Variants in HDAC9 observed in about 807,000 individuals in gnomAD.
HDAC9 encodes histone deacetylase 9, also known as MEF-2 interacting transcription repressor (MITR) protein.
Under a neutral mutation model 139.4 loss-of-function variants are expected in HDAC9, and 41 were observed. The ratio of observed to expected loss-of-function variants is 0.29; its 90% CI spans 0.23 to 0.38. HDAC9 has a LOEUF of 0.38. Among genes scored for constraint, HDAC9 ranks in the 10% least tolerant of loss-of-function variants. The probability of loss-of-function intolerance (pLI) is 1.00; values close to 1 mark genes in which losing one functional copy is unlikely to be tolerated. For synonymous variants in HDAC9, 517 were observed against 476.2 expected (o/e 1.09, Z -1.12); for missense variants, 1,147 against 1,297.0 (o/e 0.88, Z 1.78).
intron 11 of HDAC9, among the ~76,000 whole-genome samples, chr7:18,649,134 G>A (rs1484952965): frequency 6.6e-6 from 1 of 152,134 alleles, no homozygotes; most frequent in African/African-American, 2.4e-5. Context: ...TTTTGCGAAT[G>A]CCCCACTTCA....
chr7:18,609,227 G>C (rs956692670), intron 6 of HDAC9, among the ~76,000 whole-genome samples: 9 of 152,138 alleles, frequency 5.9e-5, no homozygotes, highest in African/African-American at 2.2e-4. Flanking sequence ...TATTGGCATG[G>C]TTCAATTCAG....
At chr7:18,158,487 T>C (rs756112907) in intron 1 of HDAC9, among the ~76,000 whole-genome samples, 25 of 152,220 alleles carry the variant, frequency 1.6e-4, no homozygotes, top group Non-Finnish European at 3.4e-4. Context: ...TGGTCTGTAA[T>C]TCCTTGCAAT....
chr7:18,764,911 T>G, intron 15 of HDAC9, among the ~76,000 whole-genome samples: 1 of 152,168 alleles, frequency 6.6e-6, no homozygotes, highest in Non-Finnish European at 1.5e-5. Context: ...TTGAAAGACA[T>G]CTATAGATGA....
At chr7:18,144,507 C>A (rs1786151175) in intron 1 of HDAC9, among the ~76,000 whole-genome samples, 2 of 152,210 alleles carry the variant, frequency 1.3e-5, no homozygotes, top group Non-Finnish European at 2.9e-5. Flanking sequence ...GTCTCCCTTT[C>A]TCTCTTATTT....
intron 16 of HDAC9, among the ~76,000 whole-genome samples, chr7:18,787,800 G>A (rs1791947124): frequency 6.6e-6 from 1 of 152,188 alleles, no homozygotes; most frequent in African/African-American, 2.4e-5. Flanking sequence ...TCCCTCAGAT[G>A]TGTGATGAAT....
chr7:18,938,936 A>G (rs1332140914), intron 23 of HDAC9, among the ~76,000 whole-genome samples: 3 of 152,376 alleles, frequency 2.0e-5, no homozygotes, highest in East Asian at 3.9e-4. Context: ...GGCTTGAGAA[A>G]GAGAAAGGAA....
At chr7:18,174,594 A>G (rs1357201785) in intron 2 of HDAC9, among the ~76,000 whole-genome samples, 4 of 152,254 alleles carry the variant, frequency 2.6e-5, no homozygotes, top group Non-Finnish European at 4.4e-5. Flanking sequence ...GGTTTTATCT[A>G]CCTTTGGTCT....
intron 1 of HDAC9, among the ~76,000 whole-genome samples, chr7:18,358,453 T>G (rs1300700242): frequency 6.6e-6 from 1 of 152,232 alleles, no homozygotes; most frequent in Non-Finnish European, 1.5e-5. Context: ...AAAAGTGATT[T>G]TGGAAACATG....
chr7:18,655,011 A>G lies in HDAC9; in HGVS notation c.1467+6328A>G, dbSNP rs535708466. On this transcript the variant is annotated intron_variant, in intron 11 of 25. Transcript: ENST00000686413. ...ATTGCCGTTGTTTTAGATTGGACAA[A>G]CATCTTCTCACGGAAGTTCTGGGCA... Among the ~76,000 whole-genome samples the G allele has an allele frequency of 1.1e-4, 17 of 152,276 alleles. No homozygotes were observed. In the South Asian group the frequency reaches 3.5e-3, roughly 32 times the overall value.
At chr7:18,632,911 T>G (rs1440635924) in intron 7 of HDAC9, among the ~76,000 whole-genome samples, 2 of 151,922 alleles carry the variant, frequency 1.3e-5, no homozygotes, top group Non-Finnish European at 2.9e-5. Flanking sequence ...TGAGGATGAC[T>G]CTAGGGTGAT....
intron 23 of HDAC9, chr7:18,949,087 T>G: frequency 3.0e-6 from 1 of 336,332 alleles, no homozygotes; most frequent in Non-Finnish European, 5.7e-6. Context: ...TGGGAGGGTT[T>G]TTTTTCTGTT....
At chr7:18,245,246 C>T (rs755902725) in intron 2 of HDAC9, among the ~76,000 whole-genome samples, 16 of 152,352 alleles carry the variant, frequency 1.1e-4, no homozygotes, top group Middle Eastern at 6.8e-3. Flanking sequence ...TTCTCCCTTG[C>T]AGGCTGCCAG....
rs368028612 is a variant in HDAC9 at position 18,793,394 on chromosome 7, G to A, written c.2264G>A (p.Arg755His). 1 of 1,587,122 alleles carries A rather than the reference G, an allele frequency of 6.3e-7. No individual in the cohort carries two copies. The highest frequency in any genetic ancestry group is 8.6e-7 in the Non-Finnish European group (1 of 1,166,660). ...GAGCTACACTCGTCCGGTGCTGCAC[G>A]CATGGCTGTTGGCTGTGTCATCGAG... ...WNELHSSGAA[R>H]MAVGCVIELA... The change falls in exon 17 of 26, where the codon CGC becomes CAC. Residue 755 changes from arginine to histidine, a missense_variant. Physicochemically the swap from Arg to His is conservative, Grantham distance 29 (BLOSUM62 0). Around this residue, in one of 7 missense-constraint regions of HDAC9, gnomAD observed 407 missense variants for 521.5 expected, o/e 0.78. Transcript: ENST00000686413.
chr7:18,532,879 T>G (rs1219297235), intron 2 of HDAC9, among the ~76,000 whole-genome samples: 2 of 152,148 alleles, frequency 1.3e-5, no homozygotes, highest in Non-Finnish European at 2.9e-5. Context: ...AATTATTTGT[T>G]TATGCATTTT....
intron 21 of HDAC9, among the ~76,000 whole-genome samples, chr7:18,865,022 C>T (rs1798387900): frequency 6.6e-6 from 1 of 152,184 alleles, no homozygotes; most frequent in African/African-American, 2.4e-5. Context: ...CCAAGCTTCA[C>T]TGACCAGAGA....
chr7:18,880,819 T>TA, intron 22 of HDAC9, among the ~76,000 whole-genome samples: 1 of 123,530 alleles, frequency 8.1e-6, no homozygotes, highest in East Asian at 2.6e-4. Context: ...TTAAGTGATT[T>TA]AAAAAAGAAT....
intron 6 of HDAC9, among the ~76,000 whole-genome samples, chr7:18,613,531 C>T (rs1457452045): frequency 6.6e-6 from 1 of 151,944 alleles, no homozygotes; most frequent in Non-Finnish European, 1.5e-5. Context: ...AAAATCTATC[C>T]CTCTCCTAAA....
chr7:18,229,066 G>T (rs149396383), intron 2 of HDAC9, among the ~76,000 whole-genome samples: 3 of 152,092 alleles, frequency 2.0e-5, no homozygotes, highest in Non-Finnish European at 4.4e-5. Flanking sequence ...AAAAGATCTC[G>T]GAAGGGGCCT....
intron 22 of HDAC9, among the ~76,000 whole-genome samples, chr7:18,932,705 T>G (rs1398858451): frequency 6.6e-6 from 1 of 151,366 alleles, no homozygotes; most frequent in Non-Finnish European, 1.5e-5. Context: ...AAATAAAACA[T>G]CATATCTATC....
Sources: allele counts gnomAD v4.1 joint callset (sites outside exome capture counted in the v4.1 genomes callset), GRCh38; gene constraint gnomAD v4.1.1; regional missense constraint gnomAD v4.1.1; transcripts MANE v1.5; gene names NCBI Gene and HGNC (gene_info 2026-07-23, HGNC 2026-07-21).